PTPRK: variants seen among roughly 807,000 people sequenced by gnomAD.
PTPRK encodes the protein protein tyrosine phosphatase receptor type K, also known as receptor-type tyrosine-protein phosphatase kappa.
In PTPRK, 75 loss-of-function variants were observed where a neutral mutation model predicts 178.0. That is an observed-to-expected ratio of 0.42 (90% CI 0.35 to 0.51). The LOEUF (loss-of-function observed/expected upper bound fraction) is 0.51, where lower values mean the gene tolerates loss of function less well. Ranked by LOEUF, PTPRK falls within the 20% of genes least tolerant of loss-of-function variation. The pLI, the probability that PTPRK is intolerant of heterozygous loss-of-function variation, is 0.02. For synonymous variants in PTPRK, 637 were observed against 620.6 expected (o/e 1.03, Z -0.39); for missense variants, 1,441 against 1,797.8 (o/e 0.80, Z 3.59).
intron 11 of PTPRK, among the ~76,000 whole-genome samples, chr6:128,077,638 A>T (rs573399383): frequency 6.6e-6 from 1 of 151,996 alleles, no homozygotes; most frequent in Non-Finnish European, 1.5e-5. Flanking sequence ...ATATAAACCA[A>T]TTATGAAGTG....
chr6:128,076,485 A>C (rs908635383), intron 11 of PTPRK, among the ~76,000 whole-genome samples: 5 of 152,060 alleles, frequency 3.3e-5, no homozygotes, highest in Non-Finnish European at 5.9e-5. Context: ...TGGTGGGATT[A>C]GCATATCAGT....
At chr6:128,515,008 G>T (rs917353334) in intron 1 of PTPRK, among the ~76,000 whole-genome samples, 16 of 152,184 alleles carry the variant, frequency 1.1e-4, no homozygotes, top group Non-Finnish European at 1.8e-4. Context: ...TTCTTTAGGA[G>T]TATTTTCACA....
chr6:128,482,303 T>C (rs1480095618), intron 1 of PTPRK, among the ~76,000 whole-genome samples: 1 of 152,212 alleles, frequency 6.6e-6, no homozygotes, highest in East Asian at 1.9e-4. Context: ...TCTGTTTACA[T>C]TTTCTCATAG....
intron 3 of PTPRK, among the ~76,000 whole-genome samples, chr6:128,308,911 T>C (rs754322381): frequency 4.6e-5 from 7 of 152,116 alleles, no homozygotes; most frequent in Non-Finnish European, 1.0e-4. Flanking sequence ...ACACGTGGTG[T>C]ACACCGGAGT....
rs143288726 is a variant in PTPRK at position 128,186,381 on chromosome 6, G to T, written c.869-1656C>A. 9.3e-4 allele frequency among the ~76,000 whole-genome samples: 142 copies of T among 152,112 alleles called. 2 individuals carry two copies. The East Asian group carries it at 0.018, about 19-fold the overall frequency. On this transcript the variant is annotated intron_variant, in intron 6 of 29. Coordinates refer to ENST00000368226, the MANE Select transcript of PTPRK (RefSeq NM_002844.4). ...TATTTGTAGAACCACATGACCTTGG[G>T]ATTCACTGGGCTCATGTTTAAAACA...
At chr6:128,373,956 A>G (rs1442893154) in intron 2 of PTPRK, among the ~76,000 whole-genome samples, 2 of 152,196 alleles carry the variant, frequency 1.3e-5, no homozygotes, top group African/African-American at 4.8e-5. Context: ...AAGGGTAAAA[A>G]GGCTTCAGAA....
intron 2 of PTPRK, among the ~76,000 whole-genome samples, chr6:128,337,997 T>C (rs1006750167): frequency 2.0e-5 from 3 of 152,028 alleles, no homozygotes; most frequent in Non-Finnish European, 4.4e-5. Context: ...ACAATGGAGA[T>C]CAAAGAAGTA....
chr6:127,973,592 A>C (rs1774187300), intron 28 of PTPRK, 72 bp downstream of exon 28: 2 of 1,546,758 alleles, frequency 1.3e-6, no homozygotes, highest in Admixed American at 1.8e-5. Context: ...CAAGCCAGAT[A>C]GTCTTTAACA....
chr6:128,211,262 T>C (rs959003432), intron 6 of PTPRK, among the ~76,000 whole-genome samples: 4 of 152,188 alleles, frequency 2.6e-5, no homozygotes, highest in Non-Finnish European at 5.9e-5. Flanking sequence ...AAATTCTCAC[T>C]TTTAATACTG....
intron 1 of PTPRK, among the ~76,000 whole-genome samples, chr6:128,407,384 C>T (rs1227156727): frequency 6.6e-6 from 1 of 151,894 alleles, no homozygotes; most frequent in South Asian, 2.1e-4. Flanking sequence ...TACCAGTAAT[C>T]CCAGCACTTT....
intron 7 of PTPRK, among the ~76,000 whole-genome samples, chr6:128,152,773 T>C (rs1797452669): frequency 6.6e-6 from 1 of 151,906 alleles, no homozygotes; most frequent in African/African-American, 2.4e-5. Flanking sequence ...TAAAAATAAA[T>C]AAGGTCTGCT....
At chr6:128,198,497 T>G (rs1433210044) in intron 6 of PTPRK, among the ~76,000 whole-genome samples, 2 of 152,044 alleles carry the variant, frequency 1.3e-5, no homozygotes, top group Non-Finnish European at 2.9e-5. Context: ...AGGGGAGGGA[T>G]AGCATTAGGA....
intron 8 of PTPRK, among the ~76,000 whole-genome samples, chr6:128,085,958 A>T (rs1785730962): frequency 6.6e-6 from 1 of 152,220 alleles, no homozygotes; most frequent in Non-Finnish European, 1.5e-5. Context: ...TTGAAGGAAG[A>T]TCATGTGTAC....
At chr6:128,279,154 T>A (rs1432099031) in intron 3 of PTPRK, among the ~76,000 whole-genome samples, 1 of 150,970 alleles carries the variant, frequency 6.6e-6, no homozygotes, top group East Asian at 1.9e-4. Context: ...GTAACAGAGC[T>A]GGAAATCATA....
chr6:128,005,967 A>G, intron 14 of PTPRK: 1 of 1,304,504 alleles, frequency 7.7e-7, no homozygotes, highest in Non-Finnish European at 1.0e-6. Flanking sequence ...TTTGTTTTTG[A>G]AAAGGGATAC....
At chr6:128,321,735 C>T in intron 3 of PTPRK, 1 of 683,634 alleles carries the variant, frequency 1.5e-6, no homozygotes, top group Non-Finnish European at 2.6e-6. Flanking sequence ...CTTTGTCAAA[C>T]CACCAACAAA....
chr6:128,241,938 C>T (rs567183243), intron 4 of PTPRK, among the ~76,000 whole-genome samples: 7 of 147,638 alleles, frequency 4.7e-5, no homozygotes, highest in Non-Finnish European at 5.9e-5. Flanking sequence ...TGCACCACCA[C>T]GCCTGGCTAA....
At chr6:128,004,528 A>T (rs913409112) in intron 15 of PTPRK, among the ~76,000 whole-genome samples, 1 of 151,780 alleles carries the variant, frequency 6.6e-6, no homozygotes, top group Non-Finnish European at 1.5e-5. Flanking sequence ...AAAACCCCCA[A>T]TTCAAGTATA....
At chr6:128,267,961 T>C (rs1819214245) in intron 3 of PTPRK, among the ~76,000 whole-genome samples, 1 of 152,022 alleles carries the variant, frequency 6.6e-6, no homozygotes, top group South Asian at 2.1e-4. Flanking sequence ...TATTTTCTAG[T>C]GATTATAAGA....
Sources: allele counts gnomAD v4.1 joint callset (sites outside exome capture counted in the v4.1 genomes callset), GRCh38; gene constraint gnomAD v4.1.1; transcripts MANE v1.5; gene names NCBI Gene and HGNC (gene_info 2026-07-23, HGNC 2026-07-21).